The following ZNF423 variants were observed in gnomAD, a reference collection of about 807,000 sequenced individuals.
The protein encoded by ZNF423 is Ebf-associated zinc finger protein.
ZNF423 carries 12 observed loss-of-function variants against 95.8 expected under a neutral mutation model. The ratio of observed to expected loss-of-function variants is 0.13; its 90% CI spans 0.08 to 0.20. The LOEUF (loss-of-function observed/expected upper bound fraction) is 0.20. Ranked by LOEUF, ZNF423 falls within the 10% of genes least tolerant of loss-of-function variation. The probability of loss-of-function intolerance (pLI) is 1.00; values close to 1 mark genes in which losing one functional copy is unlikely to be tolerated. For missense variants in ZNF423, 1,316 were observed against 1,737.1 expected (o/e 0.76, Z 4.31); for synonymous variants, 749 against 711.9 (o/e 1.05, Z -0.83).
At chr16:49,544,688 T>C (rs542964870) in intron 5 of ZNF423, among the ~76,000 whole-genome samples, 1 of 152,216 alleles carries the variant, frequency 6.6e-6, no homozygotes, top group South Asian at 2.1e-4. Flanking sequence ...GGGAGGGTGC[T>C]TGCAGGGGCT....
At chr16:49,593,468 C>T (rs1328930146) in intron 5 of ZNF423, among the ~76,000 whole-genome samples, 1 of 151,902 alleles carries the variant, frequency 6.6e-6, no homozygotes, top group Admixed American at 6.6e-5. Context: ...ATTCACAGAC[C>T]TCACTCTTGT....
Position 49,490,029 on chromosome 16 carries a change from G to T in ZNF423, c.*1246C>A, listed in dbSNP as rs1369743741. 2 of 152,238 alleles carry T rather than the reference G, an allele frequency of 1.3e-5. No homozygotes were observed. The highest frequency in any genetic ancestry group is 2.9e-5 in the Non-Finnish European group (2 of 68,106). 9.4% of individuals were successfully genotyped at this position (152,238 alleles called of 1,614,324 possible). On this transcript the variant is annotated 3_prime_UTR_variant, in exon 8 of 8. Transcript: ENST00000563137. ...TGCCCCCTGAAATAATGTACCCCAG[G>T]CCCCTGCCTGCCTCACTCCAGACCT... is the stretch of plus-strand genomic sequence containing the variant.
intron 3 of ZNF423, among the ~76,000 whole-genome samples, chr16:49,668,853 G>T (rs2030667057): frequency 6.6e-6 from 1 of 152,144 alleles, no homozygotes; most frequent in Admixed American, 6.5e-5. Flanking sequence ...TGTGACCTGG[G>T]ACAAGTGACC....
chr16:49,491,334 G>C (rs1966952890), intron 7 of ZNF423, 30 bp from the exon 8 acceptor site: 1 of 1,613,584 alleles, frequency 6.2e-7, no homozygotes, highest in African/African-American at 1.3e-5. Flanking sequence ...AGACACACAT[G>C]AAGGAGAAGA....
chr16:49,619,440 T>C (rs1971984314), intron 5 of ZNF423, among the ~76,000 whole-genome samples: 1 of 152,166 alleles, frequency 6.6e-6, no homozygotes, highest in South Asian at 2.1e-4. Flanking sequence ...TCAGAACTGA[T>C]GGATTCTCCA....
chr16:49,600,778 G>C (rs576213645), intron 5 of ZNF423, among the ~76,000 whole-genome samples: 1 of 152,272 alleles, frequency 6.6e-6, no homozygotes, highest in African/African-American at 2.4e-5. Context: ...ACAGACCCAG[G>C]CCGGAGTGAG....
intron 3 of ZNF423, among the ~76,000 whole-genome samples, chr16:49,727,335 G>A (rs1200657344): frequency 6.6e-6 from 1 of 152,146 alleles, no homozygotes; most frequent in African/African-American, 2.4e-5. Flanking sequence ...CTCCAGGTTG[G>A]GGACGGGGGG....
intron 2 of ZNF423, among the ~76,000 whole-genome samples, chr16:49,781,081 G>A (rs575581122): frequency 2.0e-5 from 3 of 152,184 alleles, no homozygotes; most frequent in African/African-American, 4.8e-5. Context: ...AATGCAGGAC[G>A]GTCACTTGGG....
At chr16:49,748,614 G>A (rs569732332) in intron 2 of ZNF423, among the ~76,000 whole-genome samples, 36 of 152,306 alleles carry the variant, frequency 2.4e-4, no homozygotes, top group South Asian at 1.0e-3. Flanking sequence ...AAATCACACC[G>A]GGTGACATCA....
chr16:49,520,852 G>A (rs1008555248), intron 7 of ZNF423, among the ~76,000 whole-genome samples: 14 of 152,152 alleles, frequency 9.2e-5, no homozygotes, highest in African/African-American at 3.1e-4. Context: ...GTTACTTAAC[G>A]AGAGCCATTA....
At chr16:49,580,433 T>G (rs1970635694) in intron 5 of ZNF423, among the ~76,000 whole-genome samples, 2 of 152,146 alleles carry the variant, frequency 1.3e-5, no homozygotes, top group South Asian at 4.2e-4. Context: ...TACACAGAGG[T>G]GTGGAAAATA....
At chr16:49,796,990 G>A (rs770995989) in intron 1 of ZNF423, among the ~76,000 whole-genome samples, 2 of 151,986 alleles carry the variant, frequency 1.3e-5, no homozygotes, top group African/African-American at 4.8e-5. Context: ...TTGCTGGCCC[G>A]TCCCACCCTT....
At chr16:49,541,268 A>C (rs1012199774) in intron 5 of ZNF423, among the ~76,000 whole-genome samples, 1 of 152,226 alleles carries the variant, frequency 6.6e-6, no homozygotes, top group Non-Finnish European at 1.5e-5. Context: ...TTCTAGAGAC[A>C]AACAACATTT....
intron 7 of ZNF423, among the ~76,000 whole-genome samples, chr16:49,491,665 T>C (rs1215136405): frequency 1.3e-5 from 2 of 149,490 alleles, no homozygotes; most frequent in Non-Finnish European, 3.0e-5. Flanking sequence ...CACCTCTCCA[T>C]CTCCCTTTTC....
intron 5 of ZNF423, among the ~76,000 whole-genome samples, chr16:49,528,828 T>G (rs1968727574): frequency 6.6e-6 from 1 of 151,904 alleles, no homozygotes; most frequent in African/African-American, 2.4e-5. Flanking sequence ...CAAACACTCC[T>G]TTGCGTGCTG....
chr16:49,842,592 A>G (rs1307055870), intron 1 of ZNF423, among the ~76,000 whole-genome samples: 2 of 152,106 alleles, frequency 1.3e-5, no homozygotes, highest in Non-Finnish European at 2.9e-5. Flanking sequence ...TGGGGGGGAA[A>G]AAATAAAAGG....
Position 49,590,050 on chromosome 16 carries a change from A to ATATATATATATATATATATATATATATG in ZNF423, c.3601+36119_3601+36120insCATATATATATATATATATATATATATA, listed in dbSNP as rs552421632. The stretch of plus-strand genomic sequence containing the variant: ...GGCGAATATATATATATATATATAT[A>ATATATATATATATATATATATATATATG]TTTGGTCCATACAGACGTGACCAGA... On this transcript the variant is annotated intron_variant, in intron 5 of 7. Transcript: ENST00000563137. Among the ~76,000 whole-genome samples the ATATATATATATATATATATATATATATG allele has an allele frequency of 1.4e-3, 159 of 117,534 alleles. 13 individuals carry two copies. The highest frequency in any genetic ancestry group is 3.1e-3 in the South Asian group (9 of 2,942). 77.1% of individuals were successfully genotyped at this position (117,534 alleles called of 152,430 possible). A position where few individuals can be genotyped will look rare whatever the true frequency, so the allele number is the denominator to read the frequency against.
intron 1 of ZNF423, among the ~76,000 whole-genome samples, chr16:49,823,742 C>T (rs1027093137): frequency 5.3e-5 from 8 of 152,116 alleles, no homozygotes; most frequent in African/African-American, 1.9e-4. Context: ...AAAATACACA[C>T]ACACACATAC....
chr16:49,518,012 A>G, intron 7 of ZNF423: 1 of 451,970 alleles, frequency 2.2e-6, no homozygotes. Flanking sequence ...GCTAAAATCC[A>G]TCATTAACAC....
Sources: allele counts gnomAD v4.1 joint callset (sites outside exome capture counted in the v4.1 genomes callset), GRCh38; gene constraint gnomAD v4.1.1; transcripts MANE v1.5; gene names NCBI Gene and HGNC (gene_info 2026-07-23, HGNC 2026-07-21).